The following PTPRN2 variants were observed in gnomAD, a reference collection of about 807,000 sequenced individuals.
The protein encoded by PTPRN2 is protein tyrosine phosphatase receptor type N2, also known as receptor-type tyrosine-protein phosphatase N2.
In PTPRN2, 74 loss-of-function variants were observed where a neutral mutation model predicts 118.8. The ratio of observed to expected loss-of-function variants is 0.62; its 90% CI spans 0.52 to 0.76. PTPRN2 has a LOEUF of 0.76. PTPRN2 is among the 30% of genes least tolerant of loss of function. The pLI is 0.00. For missense variants in PTPRN2, 1,481 were observed against 1,394.4 expected, an observed-to-expected ratio of 1.06 and a Z score of -0.99; for synonymous variants, 641 against 608.0, an observed-to-expected ratio of 1.05 and a Z score of -0.80.
chr7:157,545,933 A>C (rs1044871068), intron 22 of PTPRN2, among the ~76,000 whole-genome samples: 2 of 152,118 alleles, frequency 1.3e-5, no homozygotes, highest in African/African-American at 4.8e-5. Flanking sequence ...ATTTTGCCCA[A>C]ATAATTTTTC....
intron 1 of PTPRN2, among the ~76,000 whole-genome samples, chr7:158,501,441 C>T (rs1292926004): frequency 6.6e-6 from 1 of 152,188 alleles, no homozygotes; most frequent in Admixed American, 6.5e-5. Context: ...CAATCCTGAA[C>T]GGGAGAACAG....
chr7:157,937,798 G>A lies in PTPRN2; in HGVS notation c.1724-39061C>T, dbSNP rs566339303. Reference sequence around the variant, plus strand: ...AGACACCACAGAGTCTGTCTGAACAGTCCTGCGTATCTGCAATCTGCTCGT... The same window carrying A: ...AGACACCACAGAGTCTGTCTGAACAATCCTGCGTATCTGCAATCTGCTCGT... On this transcript the variant is annotated intron_variant, in intron 11 of 22. Coordinates refer to ENST00000389418, the MANE Select transcript of PTPRN2 (RefSeq NM_002847.5). 3.1e-4 allele frequency among the ~76,000 whole-genome samples: 47 copies of A among 152,346 alleles called. No homozygotes were observed. The East Asian group carries it at 7.7e-3, about 25-fold the overall frequency.
chr7:158,130,728 A>G (rs1195453336), intron 9 of PTPRN2, among the ~76,000 whole-genome samples: 3 of 151,762 alleles, frequency 2.0e-5, no homozygotes, highest in East Asian at 1.9e-4. Flanking sequence ...ACACATGCAC[A>G]TACGCACAAA....
chr7:157,665,556 C>T (rs1196203951), intron 13 of PTPRN2, among the ~76,000 whole-genome samples: 1 of 152,242 alleles, frequency 6.6e-6, no homozygotes, highest in African/African-American at 2.4e-5. Flanking sequence ...CCACTCCCAC[C>T]AGGGTGTGGA....
rs376455829 is a variant in PTPRN2 at position 158,316,871 on chromosome 7, C to G, written c.225G>C (p.Ser75=). The change falls in exon 3 of 23, where the codon TCG becomes TCC. Residue 75 remains serine (S), a synonymous_variant. Transcript: ENST00000389418. ...PAMDFYRYEV[S]PVALQRLRVA... is the part of the protein sequence containing the mutation. ...CGCGCAGGCGCTGCAGGGCCACGGG[C>G]GACACCTCGTAGCGGTAAAAGTCCA... The G allele has an allele frequency of 1.9e-6, 3 of 1,611,844 alleles. No homozygotes were observed. The highest frequency in any genetic ancestry group is 2.5e-6 in the Non-Finnish European group (3 of 1,179,938).
Position 158,012,490 on chromosome 7 carries a change from TTAAAAAG to T in PTPRN2, c.1723+68801_1723+68807del, listed in dbSNP as rs150321694. Among the ~76,000 whole-genome samples, 492 of 152,344 alleles carry T rather than the reference TTAAAAAG, an allele frequency of 3.2e-3. 1 individual carries two copies. Among genetic ancestry groups the T allele is most frequent in the African/African-American group, 0.011 (462 of 41,580 alleles). On this transcript the variant is annotated intron_variant, in intron 11 of 22. Coordinates refer to ENST00000389418, the MANE Select transcript of PTPRN2 (RefSeq NM_002847.5). The stretch of plus-strand genomic sequence containing the variant: ...TTCACAAAGCGTAGAAAGAAGATTG[TTAAAAAG>T]TATGTCCAGTGATTGACTTGGAGTG...
chr7:158,142,579 T>C (rs1819492961), intron 6 of PTPRN2, among the ~76,000 whole-genome samples: 1 of 152,168 alleles, frequency 6.6e-6, no homozygotes, highest in Non-Finnish European at 1.5e-5. Context: ...TGTTTTTTCA[T>C]TAGCCTTGAG....
In PTPRN2 at chr7:157,988,905, A is replaced by G. The variant is rs117212647; in HGVS notation, c.1724-90168T>C. On this transcript the variant is annotated intron_variant, in intron 11 of 22. Transcript: ENST00000389418. ...TCTAAAGCCAGGAATGGGCAGTGTG[A>G]CCTGAGGAAAATCAGGGACACCCTC... Among the ~76,000 whole-genome samples the G allele has an allele frequency of 6.3e-3, 967 of 152,330 alleles. 14 individuals are homozygous for G. The highest frequency in any genetic ancestry group is 0.052 in the South Asian group (253 of 4,826).
At chr7:158,023,314 G>A (rs962734588) in intron 11 of PTPRN2, among the ~76,000 whole-genome samples, 1 of 152,056 alleles carries the variant, frequency 6.6e-6, no homozygotes, top group African/African-American at 2.4e-5. Context: ...GACCCCAGGT[G>A]AGTCTCTGCT....
At chr7:158,071,126 G>A (rs1422578357) in intron 11 of PTPRN2, among the ~76,000 whole-genome samples, 1 of 92,058 alleles carries the variant, frequency 1.1e-5, no homozygotes, top group Non-Finnish European at 2.2e-5. Context: ...GGTGCCCGTG[G>A]TGGTGGAGGT....
chr7:158,395,033 C>A (rs1290220638), intron 2 of PTPRN2, among the ~76,000 whole-genome samples: 1 of 152,190 alleles, frequency 6.6e-6, no homozygotes, highest in South Asian at 2.1e-4. Context: ...TGTAAAACTT[C>A]GGCTCCTCTA....
intron 10 of PTPRN2, among the ~76,000 whole-genome samples, chr7:158,098,499 G>C (rs952524174): frequency 6.6e-6 from 1 of 152,220 alleles, no homozygotes; most frequent in Admixed American, 6.5e-5. Context: ...CGGAGAAGCC[G>C]TCCGTGCTCA....
chr7:158,177,703 C>A (rs1467728401), intron 5 of PTPRN2, among the ~76,000 whole-genome samples: 1 of 152,204 alleles, frequency 6.6e-6, no homozygotes, highest in African/African-American at 2.4e-5. Flanking sequence ...CATGCATCAA[C>A]AGCTCACTCC....
At position 157,808,877 on chromosome 7, in the gene PTPRN2, C is replaced by T. The variant is rs1368559581; in HGVS notation, c.1788+89796G>A. Among the ~76,000 whole-genome samples the T allele has an allele frequency of 2.0e-5, 3 of 152,270 alleles. No individual in the cohort carries two copies. Among genetic ancestry groups the T allele is most frequent in the Non-Finnish European group, 2.9e-5 (2 of 68,022 alleles). Reference sequence around the variant, plus strand: ...TATAAGATTCAGTTGTTGCCTTGGACGATTCACATTTCACATGGTCAGTCC... The same window carrying T: ...TATAAGATTCAGTTGTTGCCTTGGATGATTCACATTTCACATGGTCAGTCC... On this transcript the variant is annotated intron_variant, in intron 12 of 22. Transcript: ENST00000389418. This position sits in a 1 kb window ranked among gnomAD's most constrained non-coding sequence, Gnocchi z 5.0.
rs1813587977 is a variant in PTPRN2, at chr7:158,407,214, CGTCCTGCGTCCTGG to C, written c.163+82507_163+82520del. Reference sequence around the variant, plus strand: ...CCTGGGTCCTGGGTCCTGGGTCCTGCGTCCTGCGTCCTGGGTCCTGGGTCCTGGGTCCTGCGTCC... The same window carrying C: ...CCTGGGTCCTGGGTCCTGGGTCCTGCGTCCTGGGTCCTGGGTCCTGCGTCC... On this transcript the variant is annotated intron_variant, in intron 2 of 22. Coordinates refer to ENST00000389418, the MANE Select transcript of PTPRN2 (RefSeq NM_002847.5). Among the ~76,000 whole-genome samples the C allele has an allele frequency of 4.9e-3, 112 of 22,892 alleles. 5 individuals carry two copies. The highest frequency in any genetic ancestry group is 0.016 in the Admixed American group (28 of 1,750). The allele number at this position is 22,892 out of a possible 152,430, so 15.0% of individuals were successfully genotyped here.
chr7:157,624,015 A>G (rs1803418399), intron 14 of PTPRN2, among the ~76,000 whole-genome samples: 1 of 152,226 alleles, frequency 6.6e-6, no homozygotes, highest in African/African-American at 2.4e-5. Flanking sequence ...CTAGGCCTTC[A>G]TAGCAAAGTA....
intron 13 of PTPRN2, among the ~76,000 whole-genome samples, chr7:157,659,259 G>T (rs1274409500): frequency 6.7e-6 from 1 of 148,694 alleles, no homozygotes; most frequent in Admixed American, 6.7e-5. Flanking sequence ...AGAGCAGCTG[G>T]GGACAAGGAG....
chr7:157,709,252 C>T (rs1176548118), intron 12 of PTPRN2, among the ~76,000 whole-genome samples: 2 of 152,208 alleles, frequency 1.3e-5, no homozygotes, highest in East Asian at 1.9e-4. Flanking sequence ...CAGATCAATA[C>T]GATGCCCTTC....
chr7:158,291,705 C>T (rs1391925705), intron 3 of PTPRN2, among the ~76,000 whole-genome samples: 1 of 152,136 alleles, frequency 6.6e-6, no homozygotes, highest in East Asian at 1.9e-4. Flanking sequence ...AATGAAATTC[C>T]CTGTCTGCAC....
Sources: allele counts gnomAD v4.1 joint callset (sites outside exome capture counted in the v4.1 genomes callset), GRCh38; gene constraint gnomAD v4.1.1; non-coding constraint Gnocchi (gnomAD v3.1); transcripts MANE v1.5; gene names NCBI Gene and HGNC (gene_info 2026-07-23, HGNC 2026-07-21).